The following COP1 variants were observed in gnomAD, a reference collection of about 807,000 sequenced individuals.
COP1 encodes E3 ubiquitin-protein ligase COP1.
In COP1, 24 loss-of-function variants were observed where a neutral mutation model predicts 101.3. That is an observed-to-expected ratio of 0.24 (90% CI 0.17 to 0.33). The LOEUF (loss-of-function observed/expected upper bound fraction) is 0.33, where lower values mean the gene tolerates loss of function less well. Ranked by LOEUF, COP1 falls within the 10% of genes least tolerant of loss-of-function variation. COP1 has a pLI of 1.00. For missense variants in COP1, 663 were observed against 906.2 expected, an observed-to-expected ratio of 0.73 and a Z score of 3.45; for synonymous variants, 347 against 341.9, an observed-to-expected ratio of 1.01 and a Z score of -0.17.
In COP1 at chr1:176,129,444, T is replaced by A. The variant is rs186621970; in HGVS notation, c.968+5566A>T. 1.2e-3 allele frequency among the ~76,000 whole-genome samples: 184 copies of A among 151,854 alleles called. 1 individual carries two copies. The highest frequency in any genetic ancestry group is 7.5e-3 in the South Asian group (36 of 4,830). ...AATGCATGTCTGCATGACAATTTTT[T>A]AAAAAAAATGAATTAAACTTTCAAT... On this transcript the variant is annotated intron_variant, in intron 8 of 19. Coordinates refer to ENST00000367669, the MANE Select transcript of COP1 (RefSeq NM_022457.7).
chr1:176,204,802 G>A (rs1700654566), intron 1 of COP1, among the ~76,000 whole-genome samples: 1 of 152,144 alleles, frequency 6.6e-6, no homozygotes, highest in Admixed American at 6.5e-5. Flanking sequence ...GCAGGTGCCT[G>A]TAATCCCAGC....
intron 9 of COP1, among the ~76,000 whole-genome samples, chr1:176,086,168 A>T (rs1680098456): frequency 6.6e-6 from 1 of 152,182 alleles, no homozygotes; most frequent in Admixed American, 6.5e-5. Context: ...CACTTCTACA[A>T]ATAAAATGAA....
intron 11 of COP1, among the ~76,000 whole-genome samples, chr1:176,057,799 G>A (rs958849869): frequency 7.4e-5 from 11 of 149,020 alleles, no homozygotes; most frequent in Admixed American, 4.0e-4. Flanking sequence ...GCCGCCCATC[G>A]TCTGGGATGT....
chr1:175,998,462 A>T (rs1660823762), intron 15 of COP1, among the ~76,000 whole-genome samples: 1 of 151,520 alleles, frequency 6.6e-6, no homozygotes, highest in Non-Finnish European at 1.5e-5. Flanking sequence ...AAAGTATAAT[A>T]ATAATAAAAT....
At chr1:176,111,457 C>G (rs1685277383) in intron 9 of COP1, among the ~76,000 whole-genome samples, 1 of 151,872 alleles carries the variant, frequency 6.6e-6, no homozygotes, top group South Asian at 2.1e-4. Context: ...CCATGCTCAG[C>G]TAATTTTTTG....
chr1:176,205,266 C>T (rs1249826401), intron 1 of COP1, among the ~76,000 whole-genome samples: 1 of 152,172 alleles, frequency 6.6e-6, no homozygotes, highest in Admixed American at 6.5e-5. Flanking sequence ...CAGCCCCAAC[C>T]ATAAACTGCT....
At chr1:176,016,555 C>T (rs1665682805) in intron 15 of COP1, among the ~76,000 whole-genome samples, 1 of 152,078 alleles carries the variant, frequency 6.6e-6, no homozygotes, top group African/African-American at 2.4e-5. Context: ...TCTTTCTTCT[C>T]CTTCTCTGTC....
At chr1:176,086,018 CTGTA>C in intron 9 of COP1, 128 bp from the exon 10 acceptor site, 1 of 483,332 alleles carries the variant, frequency 2.1e-6, no homozygotes. Context: ...TAGTAAAAAA[CTGTA>C]ATTCTGAGAT....
At chr1:176,139,300 A>C (rs914825405) in intron 6 of COP1, among the ~76,000 whole-genome samples, 1 of 147,060 alleles carries the variant, frequency 6.8e-6, no homozygotes, top group East Asian at 1.9e-4. Context: ...AAAAAAAAAA[A>C]CAAAAAAAGA....
chr1:176,063,984 A>G (rs1473985044), intron 11 of COP1, among the ~76,000 whole-genome samples: 1 of 152,188 alleles, frequency 6.6e-6, no homozygotes, highest in Non-Finnish European at 1.5e-5. Context: ...TCACAGACAC[A>G]CTTTGATGTC....
chr1:175,948,123 A>G (rs1254535184), intron 18 of COP1, among the ~76,000 whole-genome samples: 1 of 152,216 alleles, frequency 6.6e-6, no homozygotes, highest in Non-Finnish European at 1.5e-5. Context: ...GGATGAGAAT[A>G]TATGTGGTGA....
At chr1:176,173,324 G>GAAAAAAAAAAAAAAAAAAAA (rs11396126) in intron 3 of COP1, among the ~76,000 whole-genome samples, 1 of 93,702 alleles carries the variant, frequency 1.1e-5, no homozygotes, top group Non-Finnish European at 1.9e-5. Context: ...AAAACAAAAT[G>GAAAAAAAAAAAAAAAAAAAA]AAAAAAAAAA....
Position 176,162,850 on chromosome 1 carries a change from A to C in COP1, c.762+19T>G, listed in dbSNP as rs773617288. 6.4e-7 allele frequency: 1 copy of C among 1,558,298 alleles called. No individual in the cohort carries two copies. The highest frequency in any genetic ancestry group is 1.3e-5 in the South Asian group (1 of 79,356). Reference sequence around the variant, plus strand: ...AAGTTCATCATTTAAAATTTTTTTTAAGTTTAGCTACCACTTACTGCTTCC... The same window carrying C: ...AAGTTCATCATTTAAAATTTTTTTTCAGTTTAGCTACCACTTACTGCTTCC... On this transcript the variant is annotated intron_variant, in intron 5 of 19. Coordinates refer to ENST00000367669, the MANE Select transcript of COP1 (RefSeq NM_022457.7).
rs142127163 is a variant in COP1 at position 175,992,092 on chromosome 1, G to A, written c.1730-2613C>T. 3.0e-3 allele frequency among the ~76,000 whole-genome samples: 457 copies of A among 151,698 alleles called. 2 individuals carry two copies. The highest frequency in any genetic ancestry group is 0.01 in the African/African-American group (430 of 41,358). ...TTTTTGAACATTTTTAATTTTTTTT[G>A]AGTATTATAGTTGGTATATACACTT... On this transcript the variant is annotated intron_variant, in intron 15 of 19. Transcript: ENST00000367669.
chr1:175,948,781 A>G (rs1649488255), intron 18 of COP1, among the ~76,000 whole-genome samples: 1 of 152,188 alleles, frequency 6.6e-6, no homozygotes, highest in African/African-American at 2.4e-5. Context: ...TTATAGGTGT[A>G]TCAAGAAGAA....
chr1:176,207,162 G>A lies in COP1; in HGVS notation c.-184C>T, dbSNP rs1700949640. ...GCCACACAACAGCGTCCCACGGGAG[G>A]GGGCGGAGGAAACTAAAAAAGCGGA... On this transcript the variant is annotated 5_prime_UTR_variant, in exon 1 of 20. Transcript: ENST00000367669. 1 of 443,416 alleles carries A rather than the reference G, an allele frequency of 2.3e-6. No individual in the cohort carries two copies. The highest frequency in any genetic ancestry group is 3.8e-6 in the Non-Finnish European group (1 of 260,516). The allele number at this position is 443,416 out of a possible 1,614,324, so 27.5% of individuals were successfully genotyped here.
At chr1:176,114,360 G>C (rs753403666) in intron 9 of COP1, among the ~76,000 whole-genome samples, 1 of 152,106 alleles carries the variant, frequency 6.6e-6, no homozygotes, top group Non-Finnish European at 1.5e-5. Context: ...ATGATGTACA[G>C]AGTAGTCACA....
At chr1:175,952,319 G>A (rs1239789923) in intron 18 of COP1, among the ~76,000 whole-genome samples, 7 of 151,900 alleles carry the variant, frequency 4.6e-5, no homozygotes, top group South Asian at 2.1e-4. Context: ...CTACTCGGGA[G>A]GCTGAGGTGG....
At chr1:176,005,095 C>T (rs1035622531) in intron 15 of COP1, among the ~76,000 whole-genome samples, 4 of 152,070 alleles carry the variant, frequency 2.6e-5, no homozygotes, top group East Asian at 1.9e-4. Flanking sequence ...GTGTATGTGT[C>T]GAGGAATTTA....
Sources: allele counts gnomAD v4.1 joint callset (sites outside exome capture counted in the v4.1 genomes callset), GRCh38; gene constraint gnomAD v4.1.1; transcripts MANE v1.5; gene names NCBI Gene and HGNC (gene_info 2026-07-23, HGNC 2026-07-21).